The following PCDH11X variants were observed in gnomAD, a reference collection of about 807,000 sequenced individuals.
PCDH11X encodes the protein protocadherin 11 X-linked, also known as protocadherin-11 X-linked.
A neutral mutation model predicts 53.3 loss-of-function variants in PCDH11X; 18 were observed. That is an observed-to-expected ratio of 0.34 (90% CI 0.23 to 0.50). PCDH11X has a LOEUF of 0.50. Ranked by LOEUF, PCDH11X falls within the 20% of genes least tolerant of loss-of-function variation. PCDH11X has a pLI of 0.98. For missense variants in PCDH11X, 570 were observed against 1,032.4 expected, an observed-to-expected ratio of 0.55 and a Z score of 6.14; for synonymous variants, 279 against 393.3, an observed-to-expected ratio of 0.71 and a Z score of 3.44.
At chrX:92,374,966 A>C (rs1209953216) in intron 8 of PCDH11X, among the ~76,000 whole-genome samples, 2 of 106,964 alleles carry the variant, frequency 1.9e-5, no homozygotes, top group African/African-American at 6.8e-5. Flanking sequence ...ATATTATATG[A>C]ATATATGGAT....
chrX:92,075,145 C>A (rs1395435603), intron 6 of PCDH11X, among the ~76,000 whole-genome samples: 1 of 109,029 alleles, frequency 9.2e-6, no homozygotes, highest in Admixed American at 1.0e-4. Context: ...ATACTGGATT[C>A]TAGATTCAAA....
At chrX:92,598,416 T>TG (rs1925861276) in intron 10 of PCDH11X, among the ~76,000 whole-genome samples, 4 of 110,813 alleles carry the variant, frequency 3.6e-5, no homozygotes, top group Non-Finnish European at 7.6e-5. Context: ...TCTCAAAAGA[T>TG]GACATGCAAA....
intron 10 of PCDH11X, among the ~76,000 whole-genome samples, chrX:92,484,543 A>G (rs1038351316): frequency 3.7e-5 from 4 of 108,658 alleles, no homozygotes; most frequent in African/African-American, 1.3e-4. Context: ...ATGGAACACT[A>G]CTCAGGCATA....
chrX:92,271,551 C>T (rs1055626648), intron 8 of PCDH11X, among the ~76,000 whole-genome samples: 1 of 111,807 alleles, frequency 8.9e-6, no homozygotes, highest in Non-Finnish European at 1.9e-5. Flanking sequence ...TTGGGGCATG[C>T]CCTATGTAAA....
intron 9 of PCDH11X, among the ~76,000 whole-genome samples, chrX:92,420,990 T>C (rs2071952320): frequency 8.9e-6 from 1 of 111,933 alleles, no homozygotes; most frequent in African/African-American, 3.2e-5. Context: ...TTTCAATCTT[T>C]CTTCTCTCTC....
intron 6 of PCDH11X, among the ~76,000 whole-genome samples, chrX:92,119,279 T>A (rs1051080108): frequency 5.5e-5 from 6 of 109,207 alleles, no homozygotes; most frequent in Admixed American, 9.9e-5. Context: ...CTAATTTTTT[T>A]AATTTTTGGC....
chrX:91,825,084 C>G (rs1936861082), intron 4 of PCDH11X, among the ~76,000 whole-genome samples: 1 of 111,237 alleles, frequency 9.0e-6, no homozygotes, highest in Non-Finnish European at 1.9e-5. Flanking sequence ...TCAAAGCTGT[C>G]AGACAGGGAC....
intron 6 of PCDH11X, among the ~76,000 whole-genome samples, chrX:92,128,179 A>T (rs893457985): frequency 9.0e-6 from 1 of 111,547 alleles, no homozygotes; most frequent in African/African-American, 3.3e-5. Context: ...ACAAACGTAA[A>T]ATAGTCTTCT....
At chrX:91,888,322 A>C (rs1399842446) in intron 6 of PCDH11X, among the ~76,000 whole-genome samples, 1 of 111,969 alleles carries the variant, frequency 8.9e-6, no homozygotes, top group Non-Finnish European at 1.9e-5. Flanking sequence ...ACTTCATAAA[A>C]TGTTACTATC....
At chrX:92,257,360 C>A (rs892554288) in intron 7 of PCDH11X, among the ~76,000 whole-genome samples, 1 of 111,059 alleles carries the variant, frequency 9.0e-6, no homozygotes, top group African/African-American at 3.3e-5. Context: ...CCATATCATT[C>A]TGCCCCTGGC....
At chrX:91,933,422 A>G (rs761758425) in intron 6 of PCDH11X, among the ~76,000 whole-genome samples, 1 of 110,440 alleles carries the variant, frequency 9.1e-6, no homozygotes, top group South Asian at 3.9e-4. Context: ...ATTACTTTAC[A>G]TTAGTGAATT....
chrX:92,011,584 T>C (rs1165069666), intron 6 of PCDH11X, among the ~76,000 whole-genome samples: 4 of 111,649 alleles, frequency 3.6e-5, no homozygotes, highest in Non-Finnish European at 7.5e-5. Context: ...ATACAAGAAG[T>C]ATAGAAAAGA....
chrX:92,307,976 T>C (rs1421394938), intron 8 of PCDH11X, among the ~76,000 whole-genome samples: 1 of 103,704 alleles, frequency 9.6e-6, no homozygotes, highest in East Asian at 3.0e-4. Context: ...TTGTAGACTA[T>C]AAACTACAAA....
At chrX:91,827,385 T>C (rs186096217) in intron 4 of PCDH11X, among the ~76,000 whole-genome samples, 30 of 111,721 alleles carry the variant, frequency 2.7e-4, no homozygotes, top group African/African-American at 9.4e-4. Flanking sequence ...TTAGCAAATA[T>C]TTTCTCCCAT....
intron 6 of PCDH11X, among the ~76,000 whole-genome samples, chrX:92,195,773 G>T (rs1012223287): frequency 9.0e-6 from 1 of 111,631 alleles, no homozygotes; most frequent in African/African-American, 3.3e-5. Context: ...ACACCAATTT[G>T]CATACAAAGC....
chrX:91,938,774 G>C (rs2061475809), intron 6 of PCDH11X, among the ~76,000 whole-genome samples: 2 of 110,660 alleles, frequency 1.8e-5, no homozygotes, highest in Non-Finnish European at 3.8e-5. Context: ...TACTCCAAAA[G>C]GTCTTTCTCA....
At position 92,061,212 on chromosome X, in the gene PCDH11X, T is replaced by C. The variant is rs191642820; in HGVS notation, c.3034-140163T>C. On this transcript the variant is annotated intron_variant, in intron 6 of 10. Coordinates refer to ENST00000682573, the MANE Select transcript of PCDH11X (RefSeq NM_032968.5). ...TGCTCATTAATTTGTTTAAGTACTT[T>C]GTAGATTCTGGATATAAGACCTTTG... Among the ~76,000 whole-genome samples, 29 of 111,617 alleles carry C rather than the reference T, an allele frequency of 2.6e-4. No homozygotes were observed. In the East Asian group the frequency reaches 7.3e-3, roughly 28 times the overall value.
chrX:92,348,477 G>A (rs1274085994), intron 8 of PCDH11X, among the ~76,000 whole-genome samples: 1 of 106,335 alleles, frequency 9.4e-6, no homozygotes, highest in African/African-American at 3.4e-5. Context: ...TCTATGAGAT[G>A]TTTTAATTCA....
At chrX:92,385,632 G>A (rs2070996673) in intron 8 of PCDH11X, among the ~76,000 whole-genome samples, 1 of 109,985 alleles carries the variant, frequency 9.1e-6, no homozygotes, top group African/African-American at 3.3e-5. Flanking sequence ...CTCAAGGGTC[G>A]AGACCAGCCT....
Sources: allele counts gnomAD v4.1 joint callset (sites outside exome capture counted in the v4.1 genomes callset), GRCh38; gene constraint gnomAD v4.1.1; transcripts MANE v1.5; gene names NCBI Gene and HGNC (gene_info 2026-07-23, HGNC 2026-07-21).